Variants in DLGAP2 observed in about 807,000 individuals in gnomAD.
DLGAP2 encodes the protein disks large-associated protein 2.
A neutral mutation model predicts 100.3 loss-of-function variants in DLGAP2; 26 were observed. The ratio of observed to expected loss-of-function variants is 0.26; its 90% confidence interval spans 0.19 to 0.36. The LOEUF (loss-of-function observed/expected upper bound fraction) is 0.36, where lower values mean the gene tolerates loss of function less well. Ranked by LOEUF, DLGAP2 falls within the 10% of genes least tolerant of loss-of-function variation. The pLI is 1.00. For missense variants in DLGAP2, 1,858 were observed against 1,453.2 expected (o/e 1.28, Z -4.53); for synonymous variants, 886 against 630.1 (o/e 1.41, Z -6.08).
intron 3 of DLGAP2, among the ~76,000 whole-genome samples, chr8:1,344,026 C>G (rs1422980353): frequency 1.3e-5 from 2 of 152,144 alleles, no homozygotes; most frequent in South Asian, 2.1e-4. Context: ...GTTTCCGGTT[C>G]ATTCACAGAA....
intron 8 of DLGAP2, among the ~76,000 whole-genome samples, chr8:1,644,766 T>C (rs1025965699): frequency 6.6e-6 from 1 of 152,260 alleles, no homozygotes; most frequent in Non-Finnish European, 1.5e-5. Context: ...TGCCATTACA[T>C]TGTCTCAGGA....
rs1449642633 is a variant in DLGAP2, at chr8:1,328,113, C to T, written c.106+69230C>T. On this transcript the variant is annotated intron_variant, in intron 3 of 14. Transcript: ENST00000637795. ...GGAGTGCAGTGGTGTGATCTCAGCTCACTGCATACTCCACCTCCCAGGTTC... is the reference window on the plus strand; with the variant it reads ...GGAGTGCAGTGGTGTGATCTCAGCTTACTGCATACTCCACCTCCCAGGTTC... Among the ~76,000 whole-genome samples the T allele has an allele frequency of 4.6e-5, 7 of 151,988 alleles. No homozygotes were observed. In the East Asian group the frequency reaches 1.4e-3, roughly 30 times the overall value.
intron 2 of DLGAP2, among the ~76,000 whole-genome samples, chr8:1,010,497 C>T (rs778213206): frequency 6.6e-6 from 1 of 152,234 alleles, no homozygotes; most frequent in African/African-American, 2.4e-5. Flanking sequence ...CTACACATTA[C>T]CCACATATGG....
chr8:1,349,883 G>T (rs1026004657), intron 3 of DLGAP2, among the ~76,000 whole-genome samples: 6 of 152,188 alleles, frequency 3.9e-5, no homozygotes, highest in Admixed American at 6.5e-5. Context: ...TGTATAGACT[G>T]TTTATCTTTG....
intron 1 of DLGAP2, among the ~76,000 whole-genome samples, chr8:846,198 C>T (rs1797068882): frequency 6.6e-6 from 1 of 152,172 alleles, no homozygotes; most frequent in Non-Finnish European, 1.5e-5. Context: ...ATTGTTAACT[C>T]CAGTCATTCC....
At chr8:757,194 A>C (rs1820943083) in intron 1 of DLGAP2, among the ~76,000 whole-genome samples, 1 of 152,084 alleles carries the variant, frequency 6.6e-6, no homozygotes, top group African/African-American at 2.4e-5. Flanking sequence ...ACTTGCTCCA[A>C]AAAATTCTTC....
chr8:1,429,910 C>T (rs1004361712), intron 3 of DLGAP2, among the ~76,000 whole-genome samples: 2 of 148,382 alleles, frequency 1.3e-5, no homozygotes, highest in South Asian at 4.4e-4. Context: ...ACCCATTTTA[C>T]CTTCATCATA....
chr8:923,618 G>A (rs535383974), intron 2 of DLGAP2, among the ~76,000 whole-genome samples: 3 of 152,276 alleles, frequency 2.0e-5, no homozygotes, highest in Non-Finnish European at 1.5e-5. Flanking sequence ...AGAATTCCTT[G>A]GGAATCAGGA....
chr8:1,451,311 G>A (rs1798154095), intron 3 of DLGAP2, among the ~76,000 whole-genome samples: 1 of 152,128 alleles, frequency 6.6e-6, no homozygotes, highest in Admixed American at 6.5e-5. Context: ...GTCCCTGGGG[G>A]AGGAGGCAGC....
At chr8:1,441,110 C>G (rs1213219992) in intron 3 of DLGAP2, among the ~76,000 whole-genome samples, 1 of 152,010 alleles carries the variant, frequency 6.6e-6, no homozygotes, top group Non-Finnish European at 1.5e-5. Flanking sequence ...GAATAAAAAG[C>G]TCCAAGAAAT....
intron 4 of DLGAP2, among the ~76,000 whole-genome samples, chr8:1,523,107 G>C (rs552050630): frequency 7.9e-4 from 120 of 151,940 alleles, no homozygotes; most frequent in African/African-American, 2.6e-3. Flanking sequence ...GCATCTCCTG[G>C]GACCTGGGAG....
At chr8:1,409,371 A>G (rs1362895744) in intron 3 of DLGAP2, among the ~76,000 whole-genome samples, 1 of 152,132 alleles carries the variant, frequency 6.6e-6, no homozygotes, top group African/African-American at 2.4e-5. Context: ...TCCTCACCGT[A>G]GGCGCCCAGC....
intron 3 of DLGAP2, among the ~76,000 whole-genome samples, chr8:1,292,406 C>A (rs1252739969): frequency 1.3e-5 from 2 of 152,178 alleles, no homozygotes; most frequent in African/African-American, 4.8e-5. Context: ...GAGCTGCCTC[C>A]AGTTGGAGGA....
Position 1,701,698 on chromosome 8 carries a change from A to AGGAC in DLGAP2, c.*295_*298dup. Reference sequence around the variant, plus strand: ...CCTGATTTCTCCTGCGTGTTCTCAGAGGACGGCGAGAAATGCCTCTGGAGC... The same window carrying AGGAC: ...CCTGATTTCTCCTGCGTGTTCTCAGAGGACGGACGGCGAGAAATGCCTCTGGAGC... On this transcript the variant is annotated 3_prime_UTR_variant, in exon 15 of 15. Coordinates refer to ENST00000637795, the MANE Select transcript of DLGAP2 (RefSeq NM_001346810.2). The AGGAC allele has an allele frequency of 2.3e-6, 1 of 429,740 alleles. No homozygotes were observed. Among genetic ancestry groups the AGGAC allele is most frequent in the African/African-American group, 2.1e-5 (1 of 48,638 alleles). The allele number at this position is 429,740 out of a possible 1,614,324, so 26.6% of individuals were successfully genotyped here.
intron 1 of DLGAP2, among the ~76,000 whole-genome samples, chr8:824,012 GACA>G (rs1177669179): frequency 6.6e-6 from 1 of 151,418 alleles, no homozygotes; most frequent in Non-Finnish European, 1.5e-5. Flanking sequence ...AGGATCCTGG[GACA>G]ACATTTCTTC....
At chr8:1,570,376 C>G (rs1357572610) in intron 6 of DLGAP2, among the ~76,000 whole-genome samples, 1 of 152,260 alleles carries the variant, frequency 6.6e-6, no homozygotes, top group African/African-American at 2.4e-5. Flanking sequence ...ATAATGTTCA[C>G]TCCTGGGGGC....
chr8:794,079 C>T (rs976593639), intron 1 of DLGAP2, among the ~76,000 whole-genome samples: 5 of 143,734 alleles, frequency 3.5e-5, no homozygotes, highest in East Asian at 4.2e-4. Flanking sequence ...CCGGCCTGTG[C>T]GTAGGGAGTG....
chr8:1,528,003 A>G (rs1000359224), intron 4 of DLGAP2, among the ~76,000 whole-genome samples: 2 of 152,234 alleles, frequency 1.3e-5, no homozygotes, highest in African/African-American at 4.8e-5. Flanking sequence ...CACTTCAGCT[A>G]AAAGAAAAAA....
intron 2 of DLGAP2, among the ~76,000 whole-genome samples, chr8:1,042,733 G>A (rs1802390639): frequency 6.7e-6 from 1 of 148,862 alleles, no homozygotes; most frequent in South Asian, 2.2e-4. Flanking sequence ...GGATGTGAGT[G>A]GTGGATGTGG....
Sources: gnomAD v4.1 joint callset for allele counts (sites outside exome capture counted in the v4.1 genomes callset) on GRCh38, gnomAD v4.1.1 for gene constraint, MANE v1.5 for transcripts, NCBI Gene and HGNC (gene_info 2026-07-23, HGNC 2026-07-21) for gene names.